The following IFT80 variants were observed in gnomAD, a reference collection of about 807,000 sequenced individuals.
IFT80 encodes the protein intraflagellar transport protein 80 homolog.
IFT80 carries 79 observed loss-of-function variants against 107.9 expected under a neutral mutation model. That is an observed-to-expected ratio of 0.73 (90% CI 0.61 to 0.88). The LOEUF is 0.88. IFT80 is among the 40% of genes least tolerant of loss of function. IFT80 has a pLI of 0.00. For missense variants in IFT80, 797 were observed against 914.2 expected (o/e 0.87, Z 1.65); for synonymous variants, 299 against 300.9 (o/e 0.99, Z 0.07).
At chr3:160,381,448 A>T (rs980049245) in intron 3 of IFT80, 55 bp downstream of exon 3, 349 of 1,284,900 alleles carry the variant, frequency 2.7e-4, no homozygotes, top group Non-Finnish European at 3.7e-4. Flanking sequence ...CATAAATCAT[A>T]CTATTAAGTC....
intron 18 of IFT80, among the ~76,000 whole-genome samples, chr3:160,274,930 A>G (rs1714130161): frequency 6.6e-6 from 1 of 152,216 alleles, no homozygotes; most frequent in Non-Finnish European, 1.5e-5. Context: ...AAAAAAACCA[A>G]AATGATATAT....
At chr3:160,307,504 T>C (rs1370075517) in intron 10 of IFT80, among the ~76,000 whole-genome samples, 159 bp downstream of exon 10, 2 of 152,180 alleles carry the variant, frequency 1.3e-5, no homozygotes, top group South Asian at 4.1e-4. Flanking sequence ...CTGCTCTAAG[T>C]TCACTTTCTC....
chr3:160,257,865 T>C lies in IFT80; in HGVS notation c.*660A>G, dbSNP rs1192752166. 1 of 152,658 alleles carries C rather than the reference T, an allele frequency of 6.6e-6. No individual in the cohort carries two copies. The highest frequency in any genetic ancestry group is 1.9e-4 in the East Asian group (1 of 5,216). 9.5% of individuals were successfully genotyped at this position (152,658 alleles called of 1,614,324 possible). On this transcript the variant is annotated 3_prime_UTR_variant, in exon 20 of 20. Transcript: ENST00000326448. Reference sequence around the variant, plus strand: ...AAGTGGCATCATATTTGGCCTTTTGTGTCTGGCTTATTTCACTTAGCATAG... The same window carrying C: ...AAGTGGCATCATATTTGGCCTTTTGCGTCTGGCTTATTTCACTTAGCATAG...
intron 6 of IFT80, among the ~76,000 whole-genome samples, chr3:160,363,053 A>C (rs1721613463): frequency 6.6e-6 from 1 of 152,192 alleles, no homozygotes; most frequent in Admixed American, 6.5e-5. Context: ...AAGGGTATTC[A>C]ATTAGGAAAA....
At chr3:160,296,281 T>C (rs1715977365) in intron 12 of IFT80, among the ~76,000 whole-genome samples, 1 of 152,202 alleles carries the variant, frequency 6.6e-6, no homozygotes, top group African/African-American at 2.4e-5. Context: ...AATTTCACTA[T>C]ATAAAAATAA....
intron 15 of IFT80, 109 bp from the exon 16 acceptor site, chr3:160,279,473 C>T: frequency 2.4e-6 from 2 of 834,544 alleles, no homozygotes; most frequent in Non-Finnish European, 4.0e-6. Context: ...AGTCTCCAAT[C>T]TCCAAAAGGC....
intron 8 of IFT80, among the ~76,000 whole-genome samples, chr3:160,338,583 C>T (rs1719659375): frequency 1.3e-5 from 2 of 151,108 alleles, no homozygotes; most frequent in African/African-American, 2.4e-5. Flanking sequence ...AGTGAGCCAT[C>T]ACTGCACCAC....
chr3:160,314,948 C>T (rs930688400), intron 9 of IFT80, among the ~76,000 whole-genome samples: 12 of 151,244 alleles, frequency 7.9e-5, no homozygotes, highest in African/African-American at 2.9e-4. Context: ...GAAAAAGGAA[C>T]ACAAAATCAC....
At position 160,321,582 on chromosome 3, in the gene IFT80, T is replaced by C. The variant is rs1011105926; in HGVS notation, c.778-1643A>G. Reference sequence around the variant, plus strand: ...TATGCATCCTATGTTTTTTTCTATATATACATACCTATGTTAAAGTTTAAT... The same window carrying C: ...TATGCATCCTATGTTTTTTTCTATACATACATACCTATGTTAAAGTTTAAT... On this transcript the variant is annotated intron_variant, in intron 8 of 19. Coordinates refer to ENST00000326448, the MANE Select transcript of IFT80 (RefSeq NM_020800.3). 2.0e-5 allele frequency among the ~76,000 whole-genome samples: 3 copies of C among 152,106 alleles called. No homozygotes were observed. The East Asian group carries it at 5.8e-4, about 29-fold the overall frequency.
In IFT80 at chr3:160,389,231, T is replaced by G. The variant is rs1035711437; in HGVS notation, c.-46-4585A>C. On this transcript the variant is annotated intron_variant, in intron 1 of 19. Transcript: ENST00000326448. ...TAAATGGAGAAGTGATGGGGATAAT[T>G]ACCCTTTTTCTAAATAGATCTCATA... Among the ~76,000 whole-genome samples, 10 of 152,214 alleles carry G rather than the reference T, an allele frequency of 6.6e-5. No homozygotes were observed. In the South Asian group the frequency reaches 8.3e-4, roughly 13 times the overall value.
intron 8 of IFT80, among the ~76,000 whole-genome samples, chr3:160,349,920 T>A (rs1352422570): frequency 5.3e-5 from 8 of 152,314 alleles, no homozygotes; most frequent in Non-Finnish European, 7.4e-5. Flanking sequence ...CAATAAGCGA[T>A]GCCCTTCTTA....
At chr3:160,391,112 TG>T (rs1713348464) in intron 1 of IFT80, among the ~76,000 whole-genome samples, 1 of 152,184 alleles carries the variant, frequency 6.6e-6, no homozygotes, top group Non-Finnish European at 1.5e-5. Context: ...ACACTACCTA[TG>T]GGGTAGCCCT....
chr3:160,333,962 AAGTAATGTGTTGTACTAT>A (rs1403480391), intron 8 of IFT80, among the ~76,000 whole-genome samples: 1 of 152,156 alleles, frequency 6.6e-6, no homozygotes, highest in African/African-American at 2.4e-5. Context: ...ACAAACACAT[AAGTAATGTGTTGTACTAT>A]GATACTAGGA....
chr3:160,309,647 A>G (rs1447478561), intron 9 of IFT80, among the ~76,000 whole-genome samples: 6 of 152,168 alleles, frequency 3.9e-5, no homozygotes, highest in African/African-American at 1.4e-4. Context: ...AGATTGTGCC[A>G]CTGCGCTCCA....
intron 9 of IFT80, among the ~76,000 whole-genome samples, chr3:160,319,244 A>G (rs1210157478): frequency 1.3e-5 from 2 of 151,884 alleles, no homozygotes; most frequent in African/African-American, 4.8e-5. Context: ...ATGGGTAGAG[A>G]TATTTTTCTT....
intron 13 of IFT80, among the ~76,000 whole-genome samples, chr3:160,284,199 AATTTTAATTGTAAATTAAATT>A (rs777598461): frequency 8.5e-5 from 13 of 152,090 alleles, no homozygotes; most frequent in Non-Finnish European, 1.5e-4. Flanking sequence ...TAAATTTCTT[AATTTTAATTGTAAATTAAATT>A]ATTTTAATTG....
At chr3:160,334,785 T>G (rs1293008920) in intron 8 of IFT80, among the ~76,000 whole-genome samples, 1 of 150,104 alleles carries the variant, frequency 6.7e-6, no homozygotes, top group Non-Finnish European at 1.5e-5. Flanking sequence ...TTTTTTAGTC[T>G]TCTTGACAGA....
At chr3:160,369,050 T>A (rs1722058582) in intron 5 of IFT80, among the ~76,000 whole-genome samples, 1 of 152,020 alleles carries the variant, frequency 6.6e-6, no homozygotes, top group African/African-American at 2.4e-5. Context: ...TCCCATTAAG[T>A]CAGCTATGAC....
At position 160,257,118 on chromosome 3, in the gene IFT80, A is replaced by G. The variant is rs959426992; in HGVS notation, c.*1407T>C. 1 of 152,206 alleles carries G rather than the reference A, an allele frequency of 6.6e-6. No homozygotes were observed. The highest frequency in any genetic ancestry group is 1.5e-5 in the Non-Finnish European group (1 of 68,034). 9.4% of individuals were successfully genotyped at this position (152,206 alleles called of 1,614,324 possible). On this transcript the variant is annotated 3_prime_UTR_variant, in exon 20 of 20. Transcript: ENST00000326448. ...ATATAACAATATAGGAAACACATAC[A>G]CAGTACAACTTGTAAGTACACTGCT...
Sources: gnomAD v4.1 joint callset for allele counts (sites outside exome capture counted in the v4.1 genomes callset) on GRCh38, gnomAD v4.1.1 for gene constraint, MANE v1.5 for transcripts, NCBI Gene and HGNC (gene_info 2026-07-23, HGNC 2026-07-21) for gene names.